CREBRF: variants seen among roughly 807,000 people sequenced by gnomAD.
CREBRF encodes UPF0474 protein C5orf41.
A neutral mutation model predicts 66.1 loss-of-function variants in CREBRF; 5 were observed. The ratio of observed to expected loss-of-function variants is 0.08; its 90% CI spans 0.04 to 0.16. The LOEUF (loss-of-function observed/expected upper bound fraction) is 0.16, where lower values mean the gene tolerates loss of function less well. Among genes scored for constraint, CREBRF ranks in the 10% least tolerant of loss-of-function variants. The pLI is 1.00. For missense variants in CREBRF, 531 were observed against 744.9 expected (o/e 0.71, Z 3.34); for synonymous variants, 229 against 264.4 (o/e 0.87, Z 1.30).
intron 7 of CREBRF, among the ~76,000 whole-genome samples, chr5:173,113,198 T>A (rs1758907608): frequency 6.6e-6 from 1 of 152,232 alleles, no homozygotes; most frequent in Non-Finnish European, 1.5e-5. Flanking sequence ...TTCTACTGTG[T>A]TGCCCAGGCT....
chr5:173,101,939 G>A (rs1465076930), intron 4 of CREBRF, among the ~76,000 whole-genome samples: 2 of 152,050 alleles, frequency 1.3e-5, no homozygotes, highest in Non-Finnish European at 2.9e-5. Context: ...TTTGCTTGAT[G>A]GTGTCCTATA....
At chr5:173,093,458 A>G (rs1758399479) in intron 4 of CREBRF, among the ~76,000 whole-genome samples, 1 of 152,162 alleles carries the variant, frequency 6.6e-6, no homozygotes, top group Non-Finnish European at 1.5e-5. Flanking sequence ...CACTTCACAT[A>G]GTAGGGTGGT....
chr5:173,069,632 A>C (rs764088254), intron 1 of CREBRF, among the ~76,000 whole-genome samples: 6 of 152,034 alleles, frequency 3.9e-5, no homozygotes, highest in Non-Finnish European at 8.8e-5. Flanking sequence ...ATGAAATTCA[A>C]AATATTCACT....
chr5:173,105,626 C>T (rs571161794), intron 4 of CREBRF, among the ~76,000 whole-genome samples: 2 of 152,212 alleles, frequency 1.3e-5, no homozygotes, highest in Admixed American at 6.5e-5. Context: ...CGCCACCACA[C>T]CCAGCTGATT....
At chr5:173,089,240 C>G (rs1758257530) in intron 3 of CREBRF, among the ~76,000 whole-genome samples, 1 of 150,442 alleles carries the variant, frequency 6.6e-6, no homozygotes, top group African/African-American at 2.4e-5. Context: ...CACACACACC[C>G]CAAAAATTAA....
intron 1 of CREBRF, among the ~76,000 whole-genome samples, chr5:173,063,118 G>T (rs1467363988): frequency 2.0e-5 from 3 of 152,076 alleles, no homozygotes; most frequent in Non-Finnish European, 2.9e-5. Flanking sequence ...CGAGTTTGAC[G>T]CAGGGTGCGG....
At chr5:173,089,018 A>G (rs1488605893) in intron 3 of CREBRF, among the ~76,000 whole-genome samples, 1 of 151,916 alleles carries the variant, frequency 6.6e-6, no homozygotes, top group Admixed American at 6.6e-5. Context: ...CTCTACTAAA[A>G]ATACAAAAAA....
chr5:173,097,515 G>C (rs981883732), intron 4 of CREBRF, among the ~76,000 whole-genome samples: 4 of 152,152 alleles, frequency 2.6e-5, no homozygotes, highest in African/African-American at 9.7e-5. Flanking sequence ...AAAGTGCTGG[G>C]ATTACAGATG....
intron 1 of CREBRF, among the ~76,000 whole-genome samples, chr5:173,059,654 GAAAAT>G (rs71995600): frequency 0.17 from 25,554 of 151,996 alleles, 3,098 homozygotes; most frequent in African/African-American, 0.34. Flanking sequence ...GAAGTATAGT[GAAAAT>G]AAAAATAAAC....
In CREBRF at chr5:173,091,299, G is replaced by T; in HGVS notation, c.1120G>T (p.Gly374Cys). 6.2e-7 allele frequency: 1 copy of T among 1,613,310 alleles called. No individual in the cohort carries two copies. The change falls in exon 4 of 9, where the codon GGC (glycine) becomes TGC (cysteine). Residue 374 changes from glycine to cysteine, a missense_variant. Gly to Cys is a radical substitution (Grantham distance 159). Transcript: ENST00000296953. ...VDDEDHDEGF[G>C]SEHELSENEE... is the part of the protein sequence containing the mutation. ...TGATGAGGACCATGATGAAGGATTCGGCAGTGAGCATGAACTGTCTGAAAA... is the reference window on the plus strand; with the variant it reads ...TGATGAGGACCATGATGAAGGATTCTGCAGTGAGCATGAACTGTCTGAAAA...
intron 4 of CREBRF, among the ~76,000 whole-genome samples, chr5:173,095,261 TC>T (rs1431797077): frequency 1.5e-4 from 22 of 144,552 alleles, no homozygotes; most frequent in African/African-American, 4.3e-4. Flanking sequence ...CGATCTTGGC[TC>T]ACTGCAAGCT....
chr5:173,099,407 TG>T lies in CREBRF; in HGVS notation c.1222+8008del, dbSNP rs532485084. The stretch of plus-strand genomic sequence containing the variant: ...CTGGGCTCAAGTGACCTGCCTGCCT[TG>T]GCCTCTCAAAGTGCTGGGATTACAG... On this transcript the variant is annotated intron_variant, in intron 4 of 8. Transcript: ENST00000296953. 5.9e-5 allele frequency among the ~76,000 whole-genome samples: 9 copies of T among 152,274 alleles called. No individual in the cohort carries two copies. In the East Asian group the frequency reaches 1.5e-3, roughly 26 times the overall value.
At chr5:173,110,063 A>C (rs530259375) in intron 5 of CREBRF, 4 of 216,238 alleles carry the variant, frequency 1.8e-5, no homozygotes, top group African/African-American at 4.6e-5. Flanking sequence ...TTTCAAGTTC[A>C]ATACAAAAAT....
intron 1 of CREBRF, among the ~76,000 whole-genome samples, chr5:173,079,484 A>G (rs74352828): frequency 6.7e-6 from 1 of 149,022 alleles, no homozygotes; most frequent in Non-Finnish European, 1.5e-5. Context: ...AAAAAAAAAA[A>G]GGAAATTAAT....
In CREBRF at chr5:173,118,930, C is replaced by T. The variant is rs377359685; in HGVS notation, c.1682-4150C>T. Among the ~76,000 whole-genome samples the T allele has an allele frequency of 2.0e-5, 3 of 151,800 alleles. No homozygotes were observed. In the South Asian group the frequency reaches 6.3e-4, roughly 32 times the overall value. ...GATTAAAAAAAAACATAGATGGGGT[C>T]TCGCTGTCTTGCCTCGAACTCCTGG... On this transcript the variant is annotated intron_variant, in intron 7 of 8. Transcript: ENST00000296953.
At chr5:173,077,371 G>A (rs936403439) in intron 1 of CREBRF, among the ~76,000 whole-genome samples, 9 of 152,048 alleles carry the variant, frequency 5.9e-5, no homozygotes, top group African/African-American at 2.2e-4. Context: ...GAGAAGTGTT[G>A]TGTAACCATC....
At chr5:173,107,238 T>C (rs1175650703) in intron 4 of CREBRF, among the ~76,000 whole-genome samples, 1 of 152,168 alleles carries the variant, frequency 6.6e-6, no homozygotes, top group Non-Finnish European at 1.5e-5. Context: ...GAAGGAAAAA[T>C]TACCTTTTTA....
chr5:173,090,762 G>T lies in CREBRF; in HGVS notation c.583G>T (p.Val195Phe), dbSNP rs1431213441. Residue 195 changes from valine to phenylalanine, a missense_variant, in exon 4 of 9, where the codon GTC (valine) becomes TTC (phenylalanine). This residue lies in a region of CREBRF where 309 missense variants were observed against 341.4 expected (regional missense o/e 0.90). Coordinates refer to ENST00000296953, the MANE Select transcript of CREBRF (RefSeq NM_153607.3). The surrounding 1 kb of genome is among the most constrained non-coding windows in gnomAD (Gnocchi z 4.5). Reference sequence around the variant, plus strand: ...TTCTTCTAAGACTCTGCAGGCTGAGGTCCCTTTGTCAGACTGTGTCCAAAA... The same window carrying T: ...TTCTTCTAAGACTCTGCAGGCTGAGTTCCCTTTGTCAGACTGTGTCCAAAA... ...VCSSKTLQAE[V>F]PLSDCVQKAS... 6.2e-7 allele frequency: 1 copy of T among 1,614,126 alleles called. No individual in the cohort carries two copies. Among genetic ancestry groups the T allele is most frequent in the Non-Finnish European group, 8.5e-7 (1 of 1,180,032 alleles).
intron 1 of CREBRF, among the ~76,000 whole-genome samples, chr5:173,078,805 G>A (rs1354527551): frequency 6.6e-6 from 1 of 152,116 alleles, no homozygotes; most frequent in Non-Finnish European, 1.5e-5. Flanking sequence ...GGTTACAGGT[G>A]TGAGCCACTG....
Sources: gnomAD v4.1 joint callset for allele counts (sites outside exome capture counted in the v4.1 genomes callset) on GRCh38, gnomAD v4.1.1 for gene constraint, gnomAD v4.1.1 regional missense constraint, Gnocchi (gnomAD v3.1) non-coding constraint, MANE v1.5 for transcripts, NCBI Gene and HGNC (gene_info 2026-07-23, HGNC 2026-07-21) for gene names.